RYR3: variants seen among roughly 807,000 people sequenced by gnomAD.
RYR3 encodes brain ryanodine receptor-calcium release channel.
RYR3 carries 207 observed loss-of-function variants against 584.3 expected under a neutral mutation model. That is an observed-to-expected ratio of 0.35 (90% CI 0.32 to 0.40). The LOEUF is 0.40. RYR3 is among the 10% of genes least tolerant of loss of function. The pLI is 1.00. For missense variants in RYR3, 5,616 were observed against 6,089.2 expected (o/e 0.92, Z 2.59); for synonymous variants, 2,416 against 2,248.5 (o/e 1.07, Z -2.11).
At chr15:33,827,037 G>T (rs8034006) in intron 84 of RYR3, among the ~76,000 whole-genome samples, 162 bp from the exon 85 acceptor site, 27,555 of 152,076 alleles carry the variant, frequency 0.18, 2,694 homozygotes, top group Middle Eastern at 0.3. Flanking sequence ...TTGGGGGGGT[G>T]CTCAGAGCAG....
At chr15:33,757,629 G>A in intron 60 of RYR3, 33 bp downstream of exon 60, 1 of 1,598,774 alleles carries the variant, frequency 6.3e-7, no homozygotes, top group Non-Finnish European at 8.5e-7. Flanking sequence ...AGGTGATGGT[G>A]CTGATGCAAT....
chr15:33,731,412 C>G, intron 47 of RYR3, 62 bp from the exon 48 acceptor site: 1 of 1,245,840 alleles, frequency 8.0e-7, no homozygotes, highest in South Asian at 1.3e-5. Flanking sequence ...GAACTCTGTG[C>G]AGAGCCAGCT....
intron 90 of RYR3, 102 bp from the exon 91 acceptor site, chr15:33,841,762 C>T: frequency 2.5e-6 from 3 of 1,191,684 alleles, no homozygotes; most frequent in Non-Finnish European, 3.5e-6. Context: ...ATGATTCTAC[C>T]TCCCGGCCCT....
chr15:33,744,208 A>G (rs1486750180), intron 52 of RYR3, among the ~76,000 whole-genome samples: 1 of 152,150 alleles, frequency 6.6e-6, no homozygotes, highest in Non-Finnish European at 1.5e-5. Context: ...CATTTTTCAG[A>G]TTTCTCAGCT....
chr15:33,368,367 A>G (rs1481685925), intron 1 of RYR3, among the ~76,000 whole-genome samples: 1 of 79,056 alleles, frequency 1.3e-5, no homozygotes, highest in South Asian at 4.1e-4. Flanking sequence ...TTTTTTTACC[A>G]TGGTGGCTCC....
At chr15:33,765,816 A>T (rs879741931) in intron 60 of RYR3, among the ~76,000 whole-genome samples, 6 of 152,154 alleles carry the variant, frequency 3.9e-5, no homozygotes, top group Non-Finnish European at 8.8e-5. Flanking sequence ...AGTTTTTTAT[A>T]TATAAGAGTT....
chr15:33,459,268 T>A (rs902392342), intron 1 of RYR3, among the ~76,000 whole-genome samples: 1 of 152,176 alleles, frequency 6.6e-6, no homozygotes, highest in Non-Finnish European at 1.5e-5. Context: ...AGGAGAAAAA[T>A]TCTGGTTAAA....
intron 69 of RYR3, among the ~76,000 whole-genome samples, chr15:33,802,534 C>T (rs1256782785): frequency 6.6e-6 from 1 of 151,934 alleles, no homozygotes; most frequent in Admixed American, 6.5e-5. Flanking sequence ...TATCGGACAT[C>T]TGTCTGAAGA....
chr15:33,607,357 C>A (rs1189372283), intron 18 of RYR3, among the ~76,000 whole-genome samples: 5 of 152,146 alleles, frequency 3.3e-5, no homozygotes, highest in African/African-American at 1.2e-4. Context: ...TTTGGAATGG[C>A]CTTTCCAAGC....
intron 99 of RYR3, among the ~76,000 whole-genome samples, chr15:33,859,284 C>G (rs1341782862): frequency 6.6e-6 from 1 of 152,222 alleles, no homozygotes; most frequent in Non-Finnish European, 1.5e-5. Flanking sequence ...TGGCATAGGC[C>G]ATACTCATCA....
intron 1 of RYR3, among the ~76,000 whole-genome samples, chr15:33,435,063 G>T (rs111300969): frequency 6.6e-6 from 1 of 151,836 alleles, no homozygotes; most frequent in Non-Finnish European, 1.5e-5. Context: ...CTCATGATCC[G>T]CCCGCCTCGA....
At chr15:33,826,219 C>A in intron 82 of RYR3, 33 bp from the exon 83 acceptor site, 3 of 1,610,264 alleles carry the variant, frequency 1.9e-6, no homozygotes, top group Non-Finnish European at 2.5e-6. Context: ...AGTTTTCTTA[C>A]TTTCTATTCT....
chr15:33,504,388 T>C (rs1221710860), intron 3 of RYR3, among the ~76,000 whole-genome samples: 1 of 152,222 alleles, frequency 6.6e-6, no homozygotes, highest in African/African-American at 2.4e-5. Context: ...CATTCATTTT[T>C]ATATATTTGT....
chr15:33,384,464 T>C (rs180957923), intron 1 of RYR3, among the ~76,000 whole-genome samples: 1,367 of 121,016 alleles, frequency 0.011, 20 homozygotes, highest in African/African-American at 0.038. Flanking sequence ...TATAATATTA[T>C]ATTATAATAT....
At chr15:33,596,094 A>G (rs184364101) in intron 16 of RYR3, among the ~76,000 whole-genome samples, 2 of 148,738 alleles carry the variant, frequency 1.3e-5, no homozygotes, top group African/African-American at 4.9e-5. Context: ...AAGCCTCTTT[A>G]TTTTTATAAC....
At chr15:33,561,904 A>AG (rs1454129826) in intron 10 of RYR3, among the ~76,000 whole-genome samples, 2 of 151,826 alleles carry the variant, frequency 1.3e-5, no homozygotes, top group African/African-American at 4.8e-5. Flanking sequence ...GGGCTCAAAA[A>AG]GAAAAAAAAA....
Position 33,777,967 on chromosome 15 carries a change from C to T in RYR3, c.9138-2244C>T, listed in dbSNP as rs181365355. ...GGCGGATCACCTGAGGTCAGGAGTT[C>T]GAGGCCAGCCTGGCCAACATGGTGA... On this transcript the variant is annotated intron_variant, in intron 64 of 103. Transcript: ENST00000634891. Among the ~76,000 whole-genome samples, 1,136 of 152,022 alleles carry T rather than the reference C, an allele frequency of 7.5e-3. 15 individuals carry two copies. The highest frequency in any genetic ancestry group is 0.025 in the African/African-American group (1,055 of 41,452).
In RYR3 at chr15:33,601,426, A is replaced by G; in HGVS notation, c.1796A>G (p.Asp599Gly). The G allele has an allele frequency of 1.2e-6, 2 of 1,612,296 alleles. No individual in the cohort carries two copies. The highest frequency in any genetic ancestry group is 1.7e-6 in the Non-Finnish European group (2 of 1,179,362). Residue 599 changes from aspartate (D) to glycine (G), a missense_variant, in exon 17 of 104, where the codon GAT becomes GGT. Physicochemically the swap from Asp to Gly is moderately conservative, Grantham distance 94 (BLOSUM62 -1). Transcript: ENST00000634891. ...DKHGRNHKVL[D>G]ILCSLCLCNG... ...GGGTGTGTCCTGCTGCAGGTTCTGG[A>G]TATCCTGTGCTCCCTCTGTCTCTGC...
chr15:33,448,236 T>C (rs2046832321), intron 1 of RYR3, among the ~76,000 whole-genome samples: 3 of 152,234 alleles, frequency 2.0e-5, no homozygotes, highest in African/African-American at 7.2e-5. Flanking sequence ...GGCCAGCTGC[T>C]GGCCTCGAGA....
Sources: gnomAD v4.1 joint callset for allele counts (sites outside exome capture counted in the v4.1 genomes callset) on GRCh38, gnomAD v4.1.1 for gene constraint, MANE v1.5 for transcripts, NCBI Gene and HGNC (gene_info 2026-07-23, HGNC 2026-07-21) for gene names.